The following SUGCT variants were observed in gnomAD, a reference collection of about 807,000 sequenced individuals.
SUGCT encodes the protein succinyl-CoA:glutarate-CoA transferase.
SUGCT carries 41 observed loss-of-function variants against 55.0 expected under a neutral mutation model. That is an observed-to-expected ratio of 0.74 (90% CI 0.58 to 0.97). The LOEUF is 0.97. SUGCT is among the 50% of genes least tolerant of loss of function. The probability of loss-of-function intolerance (pLI) is 0.00; values close to 1 mark genes in which losing one functional copy is unlikely to be tolerated. For synonymous variants in SUGCT, 187 were observed against 200.4 expected (o/e 0.93, Z 0.56); for missense variants, 568 against 547.8 (o/e 1.04, Z -0.37).
chr7:40,191,366 T>C (rs2056774), intron 5 of SUGCT, among the ~76,000 whole-genome samples: 5,696 of 152,270 alleles, frequency 0.037, 341 homozygotes, highest in African/African-American at 0.13. Flanking sequence ...ATTGCTCTGC[T>C]GCTGCTTTAT....
At chr7:40,615,935 C>T (rs1044177543) in intron 12 of SUGCT, among the ~76,000 whole-genome samples, 8 of 152,102 alleles carry the variant, frequency 5.3e-5, no homozygotes, top group African/African-American at 1.9e-4. Context: ...GACACCTATA[C>T]CATTTAATAT....
chr7:40,243,747 C>G (rs1473346743), intron 7 of SUGCT, among the ~76,000 whole-genome samples: 1 of 152,076 alleles, frequency 6.6e-6, no homozygotes, highest in Non-Finnish European at 1.5e-5. Flanking sequence ...TAGGGATAGC[C>G]AAGAATTCAA....
At chr7:40,271,044 A>G (rs1205424889) in intron 7 of SUGCT, among the ~76,000 whole-genome samples, 1 of 152,022 alleles carries the variant, frequency 6.6e-6, no homozygotes, top group Non-Finnish European at 1.5e-5. Flanking sequence ...ATTGGCTTTT[A>G]TCTTGCAATC....
chr7:40,889,609 G>A, the SUGCT span, among the ~76,000 whole-genome samples: 2 of 152,126 alleles, frequency 1.3e-5, no homozygotes, highest in African/African-American at 4.8e-5. Context: ...GCCCCAGGCT[G>A]AGATCTCTTT....
intron 12 of SUGCT, among the ~76,000 whole-genome samples, chr7:40,654,853 A>C (rs1054064818): frequency 6.6e-6 from 1 of 152,050 alleles, no homozygotes; most frequent in Non-Finnish European, 1.5e-5. Context: ...AACCTTACAG[A>C]TTTACGTCTG....
the SUGCT span, among the ~76,000 whole-genome samples, chr7:40,890,259 AT>A: frequency 4.2e-5 from 6 of 143,768 alleles, no homozygotes; most frequent in Admixed American, 7.1e-5. Flanking sequence ...TTATATATTT[AT>A]ATTATATAAT....
At chr7:40,681,831 A>C (rs1215020298) in intron 12 of SUGCT, among the ~76,000 whole-genome samples, 1 of 152,158 alleles carries the variant, frequency 6.6e-6, no homozygotes, top group East Asian at 1.9e-4. Context: ...AAATAATATT[A>C]GCTCTAGCTC....
At chr7:40,531,930 T>A (rs1429392579) in intron 12 of SUGCT, among the ~76,000 whole-genome samples, 1 of 152,242 alleles carries the variant, frequency 6.6e-6, no homozygotes, top group Non-Finnish European at 1.5e-5. Flanking sequence ...TGCCTCGGCC[T>A]CCCAAAGTGC....
chr7:40,308,638 G>T (rs11974921), intron 8 of SUGCT, among the ~76,000 whole-genome samples: 6,404 of 152,006 alleles, frequency 0.042, 462 homozygotes, highest in African/African-American at 0.15. Flanking sequence ...AACTCCAATG[G>T]CTCTCTTTCT....
At chr7:40,439,658 A>G (rs1333898125) in intron 9 of SUGCT, among the ~76,000 whole-genome samples, 1 of 152,042 alleles carries the variant, frequency 6.6e-6, no homozygotes, top group Non-Finnish European at 1.5e-5. Context: ...TTAGTCTTTC[A>G]TTCTCATAAC....
At chr7:41,033,919 G>C in the SUGCT span, among the ~76,000 whole-genome samples, 1 of 151,976 alleles carries the variant, frequency 6.6e-6, no homozygotes, top group Non-Finnish European at 1.5e-5. Flanking sequence ...GTAGGTGAGG[G>C]ATATGGAAAA....
At chr7:40,728,607 A>G (rs936696980) in intron 12 of SUGCT, among the ~76,000 whole-genome samples, 8 of 152,230 alleles carry the variant, frequency 5.3e-5, no homozygotes, top group African/African-American at 1.9e-4. Context: ...TTCTTCCATT[A>G]CATGTATTTA....
At chr7:40,143,018 C>T (rs906830553) in intron 1 of SUGCT, among the ~76,000 whole-genome samples, 42 of 152,174 alleles carry the variant, frequency 2.8e-4, no homozygotes, top group African/African-American at 9.6e-4. Context: ...TCTGGTATTC[C>T]CTGTGGGACT....
chr7:40,239,721 T>C (rs1407164500), intron 7 of SUGCT, among the ~76,000 whole-genome samples: 1 of 152,220 alleles, frequency 6.6e-6, no homozygotes, highest in Admixed American at 6.5e-5. Flanking sequence ...TTATCTCTTG[T>C]GTTACCCTAC....
chr7:40,998,559 G>T, the SUGCT span, among the ~76,000 whole-genome samples: 5 of 152,182 alleles, frequency 3.3e-5, no homozygotes, highest in South Asian at 2.1e-4. Context: ...TCATAAATTA[G>T]TATCTTTTCT....
intron 12 of SUGCT, among the ~76,000 whole-genome samples, chr7:40,557,417 G>A (rs543772224): frequency 6.6e-6 from 1 of 152,212 alleles, no homozygotes; most frequent in Non-Finnish European, 1.5e-5. Context: ...AAAAGCACAG[G>A]CAACAAAATA....
At chr7:40,293,032 GT>G (rs1793887199) in intron 8 of SUGCT, among the ~76,000 whole-genome samples, 1 of 152,116 alleles carries the variant, frequency 6.6e-6, no homozygotes, top group Admixed American at 6.6e-5. Context: ...TAGAGCATAA[GT>G]TTTCTGTCAA....
chr7:40,185,498 G>A (rs1442714854), intron 3 of SUGCT, among the ~76,000 whole-genome samples: 2 of 151,946 alleles, frequency 1.3e-5, no homozygotes, highest in South Asian at 2.1e-4. Flanking sequence ...ACTTGGTATC[G>A]GGCTTTGTTC....
chr7:40,947,869 C>T, the SUGCT span, among the ~76,000 whole-genome samples: 40,646 of 152,046 alleles, frequency 0.27, 5,528 homozygotes, highest in Middle Eastern at 0.33. Context: ...TTTTCCTTAA[C>T]CTTCACTTAT....
Sources: allele counts gnomAD v4.1 joint callset (sites outside exome capture counted in the v4.1 genomes callset), GRCh38; gene constraint gnomAD v4.1.1; transcripts MANE v1.5; gene names NCBI Gene and HGNC (gene_info 2026-07-23, HGNC 2026-07-21).